BRD10: variants seen among roughly 807,000 people sequenced by gnomAD.
The protein encoded by BRD10 is uncharacterized bromodomain-containing protein 10.
At chr9:5,937,123 AG>A in the BRD10 span, among the ~76,000 whole-genome samples, 31 of 151,034 alleles carry the variant, frequency 2.1e-4, no homozygotes, top group South Asian at 3.6e-3. Context: ...CCAACTGCTC[AG>A]GAGGCTGAGG....
the BRD10 span, among the ~76,000 whole-genome samples, chr9:5,905,729 C>A: frequency 6.6e-6 from 1 of 152,218 alleles, no homozygotes; most frequent in South Asian, 2.1e-4. Flanking sequence ...CCTTTTCAGG[C>A]TGACCCAATG....
At chr9:5,921,520 C>G in the BRD10 span, 1 of 1,613,842 alleles carries the variant, frequency 6.2e-7, no homozygotes, top group Non-Finnish European at 8.5e-7. Context: ...GCGCAGGTGT[C>G]ATATTAATTG....
the BRD10 span, among the ~76,000 whole-genome samples, chr9:5,904,315 T>C: frequency 6.6e-6 from 1 of 152,254 alleles, no homozygotes; most frequent in Non-Finnish European, 1.5e-5. Flanking sequence ...TAGTTATTGA[T>C]ATAGTTGGAT....
the BRD10 span, among the ~76,000 whole-genome samples, chr9:5,939,157 C>A: frequency 6.6e-6 from 1 of 151,934 alleles, no homozygotes; most frequent in Non-Finnish European, 1.5e-5. Flanking sequence ...AATTTCTTTG[C>A]CTCATATCAG....
At chr9:5,915,976 T>A in the BRD10 span, among the ~76,000 whole-genome samples, 23 of 152,238 alleles carry the variant, frequency 1.5e-4, no homozygotes, top group Admixed American at 1.4e-3. Context: ...CATACATTTT[T>A]AACTATATGT....
chr9:5,969,673 A>G, the BRD10 span, among the ~76,000 whole-genome samples: 1 of 152,072 alleles, frequency 6.6e-6, no homozygotes, highest in Non-Finnish European at 1.5e-5. Flanking sequence ...CCTCCCAAGT[A>G]GCAGGGATTA....
the BRD10 span, among the ~76,000 whole-genome samples, chr9:5,931,054 G>C: frequency 6.6e-6 from 1 of 152,190 alleles, no homozygotes; most frequent in African/African-American, 2.4e-5. Context: ...TGATAGTAGG[G>C]AGACTATACT....
At chr9:5,937,742 T>C in the BRD10 span, among the ~76,000 whole-genome samples, 1 of 152,210 alleles carries the variant, frequency 6.6e-6, no homozygotes, top group Non-Finnish European at 1.5e-5. Flanking sequence ...CAACTTTCCC[T>C]GATGGGATTC....
chr9:6,007,510 T>C, the BRD10 span: 7 of 1,612,894 alleles, frequency 4.3e-6, no homozygotes, highest in African/African-American at 8.0e-5. Context: ...GCCCCGGTGC[T>C]TCTCCTGCAG....
chr9:5,904,072 G>T, the BRD10 span, among the ~76,000 whole-genome samples: 1 of 152,116 alleles, frequency 6.6e-6, no homozygotes, highest in African/African-American at 2.4e-5. Flanking sequence ...TGCCCAGGCT[G>T]GTCTTGAACT....
chr9:5,998,232 T>C, the BRD10 span, among the ~76,000 whole-genome samples: 2 of 152,256 alleles, frequency 1.3e-5, no homozygotes, highest in Admixed American at 1.3e-4. Context: ...ACCTGGAGAC[T>C]GGTGAAAGAG....
At chr9:5,990,612 A>G in the BRD10 span, among the ~76,000 whole-genome samples, 1 of 152,204 alleles carries the variant, frequency 6.6e-6, no homozygotes, top group Non-Finnish European at 1.5e-5. Flanking sequence ...ATCCTTTATT[A>G]CTCATCAGAA....
chr9:6,000,899 G>A, the BRD10 span, among the ~76,000 whole-genome samples: 1 of 152,154 alleles, frequency 6.6e-6, no homozygotes, highest in East Asian at 1.9e-4. Flanking sequence ...ACTCTGTCCT[G>A]GGCAATTTCA....
At chr9:5,935,316 A>G in the BRD10 span, among the ~76,000 whole-genome samples, 1 of 152,240 alleles carries the variant, frequency 6.6e-6, no homozygotes, top group South Asian at 2.1e-4. Context: ...ATTTAAATAG[A>G]AAGCATGAAG....
the BRD10 span, chr9:5,969,144 T>G: frequency 6.6e-5 from 107 of 1,613,926 alleles, no homozygotes; most frequent in Admixed American, 1.7e-3. Flanking sequence ...TAAGGCAAAG[T>G]AGGTCTTCGA....
chr9:5,940,483 G>A, the BRD10 span, among the ~76,000 whole-genome samples: 109 of 152,238 alleles, frequency 7.2e-4, 1 homozygote, highest in Admixed American at 1.7e-3. Flanking sequence ...GTGAGCCACC[G>A]CGCCTGGCCT....
the BRD10 span, among the ~76,000 whole-genome samples, chr9:6,002,439 TA>T: frequency 2.8e-4 from 41 of 146,896 alleles, no homozygotes; most frequent in Non-Finnish European, 4.4e-4. Context: ...AAGATTTATA[TA>T]AAAAAAAAAG....
chr9:5,920,059 T>C, the BRD10 span: 4 of 1,613,902 alleles, frequency 2.5e-6, no homozygotes, highest in East Asian at 2.2e-5. Flanking sequence ...GTGATGTATG[T>C]ACTGTGGGTA....
At chr9:5,883,793 G>T in the BRD10 span, among the ~76,000 whole-genome samples, 1 of 151,966 alleles carries the variant, frequency 6.6e-6, no homozygotes, top group Non-Finnish European at 1.5e-5. Context: ...TTAGGGACAG[G>T]CTTGCTCATA....
Sources: gnomAD v4.1 joint callset for allele counts (sites outside exome capture counted in the v4.1 genomes callset) on GRCh38, gnomAD v4.1.1 for gene constraint, MANE v1.5 for transcripts, NCBI Gene and HGNC (gene_info 2026-07-23, HGNC 2026-07-21) for gene names.